CLDN16: variants seen among roughly 807,000 people sequenced by gnomAD.
The protein encoded by CLDN16 is claudin 16.
In CLDN16, 13 loss-of-function variants were observed where a neutral mutation model predicts 24.6. That is an observed-to-expected ratio of 0.53 (90% CI 0.34 to 0.84). The LOEUF is 0.84. CLDN16 is among the 40% of genes least tolerant of loss of function. The pLI, the probability that CLDN16 is intolerant of heterozygous loss-of-function variation, is 0.01. For synonymous variants in CLDN16, 116 were observed against 106.7 expected (o/e 1.09, Z -0.54); for missense variants, 298 against 292.7 (o/e 1.02, Z -0.13).
intron 1 of CLDN16, among the ~76,000 whole-genome samples, chr3:190,392,347 C>A (rs1400728586): frequency 6.6e-6 from 1 of 150,790 alleles, no homozygotes; most frequent in Non-Finnish European, 1.5e-5. Context: ...CCTTCTTTTT[C>A]TTTCTTTCTC....
At chr3:190,343,111 A>G (rs1475495486) in intron 1 of CLDN16, among the ~76,000 whole-genome samples, 1 of 151,924 alleles carries the variant, frequency 6.6e-6, no homozygotes, top group Admixed American at 6.6e-5. Context: ...CCAACTCAAT[A>G]GTGAGAAAAC....
rs141141514 is a variant in CLDN16, at chr3:190,352,381, A to C, written n.122-18512A>C. On this transcript the variant is annotated intron_variant and non_coding_transcript_variant, in intron 1 of 4. Coordinates refer to the CLDN16 transcript ENST00000468220. ...CTCAGAAACAGAATATGTGATTGGA[A>C]TTGTCTTTATTTAGATCTGTCCTAA... is the stretch of plus-strand genomic sequence containing the variant. Among the ~76,000 whole-genome samples, 1,089 of 152,242 alleles carry C rather than the reference A, an allele frequency of 7.2e-3. 14 individuals are homozygous for C. The highest frequency in any genetic ancestry group is 0.025 in the African/African-American group (1,028 of 41,566).
intron 1 of CLDN16, among the ~76,000 whole-genome samples, chr3:190,390,778 T>C (rs1718632744): frequency 1.3e-5 from 2 of 152,222 alleles, no homozygotes; most frequent in Admixed American, 6.5e-5. Context: ...AACAACTCAC[T>C]TTATGTTTTT....
At position 190,363,556 on chromosome 3, in the gene CLDN16, G is replaced by GTATA. The variant is rs1221514630; in HGVS notation, n.122-7299_122-7296dup. ...AGTTGCTGTGCGTGTGTGTGTGTGTGTATATATATATATATATATATATAT... is the reference window on the plus strand; with the variant it reads ...AGTTGCTGTGCGTGTGTGTGTGTGTGTATATATATATATATATATATATATATAT... On this transcript the variant is annotated intron_variant and non_coding_transcript_variant, in intron 1 of 4. Transcript: ENST00000468220. Among the ~76,000 whole-genome samples, 252 of 87,118 alleles carry GTATA rather than the reference G, an allele frequency of 2.9e-3. 1 individual carries two copies. Among genetic ancestry groups the GTATA allele is most frequent in the South Asian group, 8.3e-3 (22 of 2,652 alleles). 57.2% of individuals were successfully genotyped at this position (87,118 alleles called of 152,430 possible). A position where few individuals can be genotyped will look rare whatever the true frequency, so the allele number is the denominator to read the frequency against.
intron 1 of CLDN16, among the ~76,000 whole-genome samples, chr3:190,391,436 T>C (rs1718662025): frequency 1.3e-5 from 2 of 152,118 alleles, no homozygotes; most frequent in South Asian, 4.1e-4. Context: ...ATAAAAAGCA[T>C]AAATAAATTC....
chr3:190,390,519 C>T (rs540496465), intron 1 of CLDN16, among the ~76,000 whole-genome samples: 6 of 147,700 alleles, frequency 4.1e-5, no homozygotes, highest in Admixed American at 1.4e-4. Flanking sequence ...GGCGACAGAG[C>T]GAGACTCCAT....
intron 1 of CLDN16, among the ~76,000 whole-genome samples, chr3:190,357,255 C>T (rs547022221): frequency 1.3e-5 from 2 of 152,014 alleles, no homozygotes; most frequent in South Asian, 4.1e-4. Context: ...CTAAAACTTG[C>T]AGATCTGGGA....
intron 1 of CLDN16, among the ~76,000 whole-genome samples, chr3:190,397,384 A>T (rs17445474): frequency 0.19 from 28,222 of 152,160 alleles, 3,056 homozygotes; most frequent in Middle Eastern, 0.29. Context: ...CTGTCAGATT[A>T]AAAGTTATTA....
intron 1 of CLDN16, among the ~76,000 whole-genome samples, chr3:190,340,693 C>G (rs1249940118): frequency 6.6e-6 from 1 of 152,080 alleles, no homozygotes; most frequent in Non-Finnish European, 1.5e-5. Context: ...CCCAACAGTC[C>G]CCCAACATCT....
chr3:190,339,567 G>A (rs905745046), intron 1 of CLDN16, among the ~76,000 whole-genome samples: 4 of 152,140 alleles, frequency 2.6e-5, no homozygotes, highest in Non-Finnish European at 5.9e-5. Flanking sequence ...AATTGAAAAG[G>A]GCTAGAAGTT....
Position 190,405,426 on chromosome 3 carries a change from C to T in CLDN16, c.382+500C>T, listed in dbSNP as rs539143790. 3.3e-4 allele frequency among the ~76,000 whole-genome samples: 21 copies of T among 64,358 alleles called. No individual in the cohort carries two copies. The East Asian group carries it at 6.2e-3, about 19-fold the overall frequency. The allele number at this position is 64,358 out of a possible 152,430, so 42.2% of individuals were successfully genotyped here. On this transcript the variant is annotated intron_variant, in intron 3 of 4. Transcript: ENST00000264734. ...GGCAACAGAGCAAGACTCCGTCTCA[C>T]GGAAAAAAAAAAAAAAAAAAAGGAA...
intron 2 of CLDN16, among the ~76,000 whole-genome samples, chr3:190,402,760 T>C (rs1718997124): frequency 6.6e-6 from 1 of 152,094 alleles, no homozygotes; most frequent in Non-Finnish European, 1.5e-5. Flanking sequence ...ATAAACTCTT[T>C]AGGGTGCTGT....
At chr3:190,372,479 C>G (rs1029407060) in intron 2 of CLDN16, among the ~76,000 whole-genome samples, 1 of 151,742 alleles carries the variant, frequency 6.6e-6, no homozygotes, top group Non-Finnish European at 1.5e-5. Flanking sequence ...CCCCTTCCCC[C>G]CCAAAATAAA....
upstream of CLDN16, chr3:190,322,256 G>T: frequency 6.4e-7 from 1 of 1,565,080 alleles, no homozygotes. Context: ...TGCAGAAGGC[G>T]GAGAGTTTGC....
At chr3:190,342,291 T>A (rs982371777) in intron 1 of CLDN16, among the ~76,000 whole-genome samples, 1 of 152,198 alleles carries the variant, frequency 6.6e-6, no homozygotes, top group Non-Finnish European at 1.5e-5. Context: ...GGACTTACAG[T>A]TCCACATGGC....
intron 1 of CLDN16, among the ~76,000 whole-genome samples, chr3:190,348,280 C>CAAAA (rs34092127): frequency 1.3e-5 from 1 of 76,984 alleles, no homozygotes; most frequent in Non-Finnish European, 2.2e-5. Context: ...AAGAATAAAT[C>CAAAA]AAAAAAAAAA....
intron 1 of CLDN16, among the ~76,000 whole-genome samples, chr3:190,395,417 T>C (rs963407395): frequency 2.6e-5 from 4 of 152,076 alleles, no homozygotes; most frequent in Non-Finnish European, 5.9e-5. Context: ...TATTAAGGCC[T>C]GTATTGACTC....
chr3:190,349,296 T>A (rs1479309188), intron 1 of CLDN16, among the ~76,000 whole-genome samples: 2 of 152,112 alleles, frequency 1.3e-5, no homozygotes, highest in African/African-American at 4.8e-5. Context: ...TAAACGTGTG[T>A]AGAGCTTCCC....
chr3:190,326,304 C>A (rs2108619930), intron 1 of CLDN16, among the ~76,000 whole-genome samples: 1 of 152,288 alleles, frequency 6.6e-6, no homozygotes, highest in South Asian at 2.1e-4. Flanking sequence ...CATGTTTGTT[C>A]AGGAGGACTC....
Sources: gnomAD v4.1 joint callset for allele counts (sites outside exome capture counted in the v4.1 genomes callset) on GRCh38, gnomAD v4.1.1 for gene constraint, MANE v1.5 for transcripts, NCBI Gene and HGNC (gene_info 2026-07-23, HGNC 2026-07-21) for gene names.